PARD3B: variants seen among roughly 807,000 people sequenced by gnomAD.
PARD3B encodes the protein partitioning defective 3 homolog B.
Under a neutral mutation model 130.2 loss-of-function variants are expected in PARD3B, and 103 were observed. The ratio of observed to expected loss-of-function variants is 0.79; its 90% CI spans 0.67 to 0.93. The LOEUF is 0.93. PARD3B is among the 40% of genes least tolerant of loss of function. The pLI, the probability that PARD3B is intolerant of heterozygous loss-of-function variation, is 0.00. For missense variants in PARD3B, 1,609 were observed against 1,499.2 expected (o/e 1.07, Z -1.21); for synonymous variants, 583 against 553.2 (o/e 1.05, Z -0.76).
At chr2:205,199,107 G>T (rs1310888489) in intron 15 of PARD3B, among the ~76,000 whole-genome samples, 1 of 152,064 alleles carries the variant, frequency 6.6e-6, no homozygotes, top group East Asian at 1.9e-4. Flanking sequence ...CAAAATAAAG[G>T]AATTATAGAG....
At chr2:204,682,679 C>T (rs575046484) in intron 1 of PARD3B, among the ~76,000 whole-genome samples, 1 of 152,294 alleles carries the variant, frequency 6.6e-6, no homozygotes, top group South Asian at 2.1e-4. Flanking sequence ...GCAGCACTCT[C>T]CCCACTTTGG....
rs1291554613 is a variant in PARD3B, at chr2:204,890,950, A to C, written c.223-74202A>C. ...TCTCTTGCCATCATCCACTGCCTCC[A>C]TGAGGATATTCTAGGAATCTGTATC... On this transcript the variant is annotated intron_variant, in intron 2 of 22. Coordinates refer to ENST00000406610, the MANE Select transcript of PARD3B (RefSeq NM_001302769.2). The surrounding 1 kb of genome is among the most constrained non-coding windows in gnomAD (Gnocchi z 4.9). 1.3e-5 allele frequency among the ~76,000 whole-genome samples: 2 copies of C among 152,184 alleles called. No homozygotes were observed. The highest frequency in any genetic ancestry group is 2.9e-5 in the Non-Finnish European group (2 of 68,024).
chr2:205,008,738 G>T (rs1297216229), intron 3 of PARD3B, among the ~76,000 whole-genome samples: 3 of 152,148 alleles, frequency 2.0e-5, no homozygotes, highest in Non-Finnish European at 4.4e-5. Flanking sequence ...GATGTTAGGA[G>T]AAGTTAGAAT....
chr2:204,694,692 T>C (rs1198548598), intron 2 of PARD3B, among the ~76,000 whole-genome samples: 1 of 152,058 alleles, frequency 6.6e-6, no homozygotes, highest in Non-Finnish European at 1.5e-5. Context: ...AGGCAAATAG[T>C]GTCAAGAGAT....
intron 2 of PARD3B, among the ~76,000 whole-genome samples, chr2:204,719,187 G>GAAAGCA (rs1186562260): frequency 1.3e-5 from 2 of 152,086 alleles, no homozygotes; most frequent in African/African-American, 4.8e-5. Flanking sequence ...AAAACTTTTC[G>GAAAGCA]AAAGCACATC....
Position 204,878,272 on chromosome 2 carries a change from G to A in PARD3B, c.223-86880G>A, listed in dbSNP as rs547885174. On this transcript the variant is annotated intron_variant, in intron 2 of 22. Transcript: ENST00000406610. The stretch of plus-strand genomic sequence containing the variant: ...CTTTTTTAATGAAAAGTATTTTATA[G>A]GAGGTGACAATGATCTTAAGCAAAG... Among the ~76,000 whole-genome samples, 3 of 152,214 alleles carry A rather than the reference G, an allele frequency of 2.0e-5. No individual in the cohort carries two copies. The East Asian group carries it at 5.8e-4, about 29-fold the overall frequency.
rs1458148955 is a variant in PARD3B at position 205,105,326 on chromosome 2, A to G, written c.593+812A>G. Among the ~76,000 whole-genome samples the G allele has an allele frequency of 6.6e-6, 1 of 152,150 alleles. No individual in the cohort carries two copies. The highest frequency in any genetic ancestry group is 1.5e-5 in the Non-Finnish European group (1 of 68,016). ...TTTCTACTACTATCATTAATATCAC[A>G]TCATCTCTATTATTGTTCTAATCAT... On this transcript the variant is annotated intron_variant, in intron 5 of 22. Coordinates refer to ENST00000406610, the MANE Select transcript of PARD3B (RefSeq NM_001302769.2). The surrounding 1 kb of genome is among the most constrained non-coding windows in gnomAD (Gnocchi z 4.0).
chr2:205,023,451 CCT>C (rs1491574955), intron 3 of PARD3B, among the ~76,000 whole-genome samples: 3 of 108,866 alleles, frequency 2.8e-5, no homozygotes, highest in African/African-American at 3.3e-5. Context: ...CATGCCCACA[CCT>C]TTTTTTTTTT....
At chr2:204,738,348 G>A (rs970231889) in intron 2 of PARD3B, among the ~76,000 whole-genome samples, 4 of 152,062 alleles carry the variant, frequency 2.6e-5, no homozygotes, top group Non-Finnish European at 5.9e-5. Context: ...AAGGGATTGA[G>A]ATCTTGATTT....
At chr2:205,226,227 G>A (rs2038537379) in intron 15 of PARD3B, among the ~76,000 whole-genome samples, 1 of 151,942 alleles carries the variant, frequency 6.6e-6, no homozygotes, top group Non-Finnish European at 1.5e-5. Flanking sequence ...GTTTTTAGTA[G>A]AGACGAGGTT....
intron 1 of PARD3B, among the ~76,000 whole-genome samples, chr2:204,675,000 A>C (rs982065514): frequency 3.9e-5 from 6 of 152,166 alleles, no homozygotes; most frequent in African/African-American, 1.4e-4. Context: ...TTATTCTAAA[A>C]ATTAATAGCT....
chr2:205,528,688 G>C (rs372819973), intron 21 of PARD3B, among the ~76,000 whole-genome samples: 31 of 152,004 alleles, frequency 2.0e-4, no homozygotes, highest in African/African-American at 7.0e-4. Flanking sequence ...GACAGGGTTT[G>C]ACCATGTTGG....
rs150750964 is a variant in PARD3B at position 204,679,247 on chromosome 2, C to T, written c.121-6934C>T. ...TTTTTAGGTATTAAAAATAATCCTG[C>T]TATGAATATTCTGTGTGTCGTTTGG... On this transcript the variant is annotated intron_variant, in intron 1 of 22. Coordinates refer to ENST00000406610, the MANE Select transcript of PARD3B (RefSeq NM_001302769.2). Among the ~76,000 whole-genome samples the T allele has an allele frequency of 2.1e-3, 324 of 152,230 alleles. 2 individuals are homozygous for T. The highest frequency in any genetic ancestry group is 7.4e-3 in the African/African-American group (309 of 41,540).
chr2:205,538,472 T>TACAG (rs1553539766), intron 21 of PARD3B, among the ~76,000 whole-genome samples: 1 of 150,736 alleles, frequency 6.6e-6, no homozygotes, highest in African/African-American at 2.4e-5. Flanking sequence ...CACGTGTGTG[T>TACAG]ACACACACAC....
chr2:204,822,166 A>G (rs1363765965), intron 2 of PARD3B, among the ~76,000 whole-genome samples: 1 of 152,230 alleles, frequency 6.6e-6, no homozygotes, highest in Non-Finnish European at 1.5e-5. Flanking sequence ...GAAGAAGTTG[A>G]TTCTAACCCT....
chr2:204,891,922 T>C (rs1476526198), intron 2 of PARD3B, among the ~76,000 whole-genome samples: 2 of 152,192 alleles, frequency 1.3e-5, no homozygotes, highest in African/African-American at 2.4e-5. Context: ...AAGGTAGTCA[T>C]TGAAAATTAC....
chr2:204,974,441 C>T (rs552651260), intron 3 of PARD3B, among the ~76,000 whole-genome samples: 47 of 152,214 alleles, frequency 3.1e-4, no homozygotes, highest in African/African-American at 1.1e-3. Context: ...CTTCAATGTC[C>T]ATTTTGTTTT....
chr2:204,805,910 C>G (rs538413013), intron 2 of PARD3B, among the ~76,000 whole-genome samples: 2 of 152,014 alleles, frequency 1.3e-5, no homozygotes, highest in Non-Finnish European at 2.9e-5. Context: ...AAGGAACATA[C>G]CTCAACACAA....
At chr2:204,582,121 C>G (rs2032587571) in intron 1 of PARD3B, among the ~76,000 whole-genome samples, 1 of 152,106 alleles carries the variant, frequency 6.6e-6, no homozygotes, top group South Asian at 2.1e-4. Flanking sequence ...TCGAATGTTC[C>G]CAAGGTATGA....
Sources: gnomAD v4.1 joint callset for allele counts (sites outside exome capture counted in the v4.1 genomes callset) on GRCh38, gnomAD v4.1.1 for gene constraint, Gnocchi (gnomAD v3.1) non-coding constraint, MANE v1.5 for transcripts, NCBI Gene and HGNC (gene_info 2026-07-23, HGNC 2026-07-21) for gene names.